NF1: variants seen among roughly 807,000 people sequenced by gnomAD.
NF1 encodes neurofibromin.
Under a neutral mutation model 325.7 loss-of-function variants are expected in NF1, and 122 were observed. That is an observed-to-expected ratio of 0.37 (90% CI 0.32 to 0.44). The LOEUF is 0.44. Ranked by LOEUF, NF1 falls within the 20% of genes least tolerant of loss-of-function variation. The probability of loss-of-function intolerance (pLI) is 1.00; values close to 1 mark genes in which losing one functional copy is unlikely to be tolerated. For synonymous variants in NF1, 1,091 were observed against 1,186.0 expected, an observed-to-expected ratio of 0.92 and a Z score of 1.65; for missense variants, 2,140 against 3,415.4, an observed-to-expected ratio of 0.63 and a Z score of 9.31.
intron 8 of NF1, among the ~76,000 whole-genome samples, chr17:31,197,263 G>T (rs1321932054): frequency 6.6e-6 from 1 of 150,718 alleles, no homozygotes; most frequent in Non-Finnish European, 1.5e-5. Context: ...AGCCAGGATG[G>T]TCTCCATCTC....
intron 36 of NF1, chr17:31,318,783 C>A (rs772830512): frequency 6.2e-7 from 1 of 1,613,938 alleles, no homozygotes; most frequent in South Asian, 1.1e-5. Context: ...ATGTTTCAGG[C>A]ATGTTTGTAG....
chr17:31,185,739 C>T (rs975611565), intron 8 of NF1, among the ~76,000 whole-genome samples: 6 of 152,164 alleles, frequency 3.9e-5, no homozygotes, highest in Non-Finnish European at 7.4e-5. Flanking sequence ...GGGTCCAGAA[C>T]AGGAGAAGGC....
chr17:31,227,719 A>G (rs1449295665), intron 20 of NF1, 113 bp downstream of exon 20: 1 of 915,056 alleles, frequency 1.1e-6, no homozygotes, highest in Non-Finnish European at 1.8e-6. Context: ...CTGTGTGAAG[A>G]CTGATATTTA....
In NF1 at chr17:31,325,838, C is replaced by G. The variant is rs1268872486; in HGVS notation, c.4854C>G (p.Ile1618Met). 6.2e-7 allele frequency: 1 copy of G among 1,614,084 alleles called. No individual in the cohort carries two copies. The highest frequency in any genetic ancestry group is 1.3e-5 in the African/African-American group (1 of 75,036). ...YVARRFKTGQ[I>M]NGDLLIYHVL... The stretch of plus-strand genomic sequence containing the variant: ...TCCTTAGGTTCAAAACTGGTCAAAT[C>G]AATGGTGATTTGCTGATATACCATG... The change falls in exon 37 of 58, where the codon ATC becomes ATG. Residue 1618 changes from isoleucine (I) to methionine (M), a missense_variant. Physicochemically the swap from Ile to Met is conservative, Grantham distance 10. This residue lies in a region of NF1 where 103 missense variants were observed against 214.6 expected (regional missense o/e 0.48). Coordinates refer to ENST00000358273, the MANE Select transcript of NF1 (RefSeq NM_001042492.3).
chr17:31,225,859 C>T (rs2151424877), intron 17 of NF1, among the ~76,000 whole-genome samples: 1 of 152,266 alleles, frequency 6.6e-6, no homozygotes, highest in Non-Finnish European at 1.5e-5. Flanking sequence ...GTCTGTTTTA[C>T]TTGTAGAATT....
At chr17:31,158,478 G>A (rs934470084) in intron 2 of NF1, among the ~76,000 whole-genome samples, 1 of 151,912 alleles carries the variant, frequency 6.6e-6, no homozygotes. Context: ...TTAATATTTG[G>A]GACCCTCTTT....
rs1375665622 is a variant in NF1, at chr17:31,219,041, A to C, written c.1564A>C (p.Thr522Pro). The C allele has an allele frequency of 6.2e-7, 1 of 1,613,710 alleles. No individual in the cohort carries two copies. Among genetic ancestry groups the C allele is most frequent in the African/African-American group, 1.3e-5 (1 of 74,890 alleles). Residue 522 changes from threonine (T) to proline (P), a missense_variant, in exon 14 of 58, where the codon ACA (threonine) becomes CCA (proline). By Grantham distance (38) the Thr-to-Pro change is conservative. Coordinates refer to ENST00000358273, the MANE Select transcript of NF1 (RefSeq NM_001042492.3). ...ACAGGGGCCCGAAACCCAAGGCAGT[A>C]CAGCAGAATTAATTACAGGGCTCGT... ...RKQGPETQGS[T>P]AELITGLVQL...
chr17:31,325,143 C>T (rs928223815), intron 36 of NF1, among the ~76,000 whole-genome samples: 6 of 152,116 alleles, frequency 3.9e-5, no homozygotes, highest in African/African-American at 1.4e-4. Context: ...CTGAGCAGTC[C>T]TGGGATAAAT....
intron 1 of NF1, among the ~76,000 whole-genome samples, chr17:31,124,592 ATTTTTTTT>A (rs35335433): frequency 9.5e-5 from 6 of 62,944 alleles, no homozygotes; most frequent in East Asian, 5.5e-4. Flanking sequence ...GTATTCTTGA[ATTTTTTTT>A]TTTTTTTTTT....
intron 9 of NF1, 27 bp downstream of exon 9, chr17:31,200,622 C>T (rs2066511229): frequency 1.2e-6 from 2 of 1,609,196 alleles, no homozygotes; most frequent in African/African-American, 1.3e-5. Context: ...TTCTCTACTA[C>T]AAACTTTAAG....
chr17:31,263,416 G>A (rs2067728981), intron 35 of NF1, among the ~76,000 whole-genome samples: 1 of 151,672 alleles, frequency 6.6e-6, no homozygotes, highest in South Asian at 2.1e-4. Flanking sequence ...GACAGAATGA[G>A]ACCTTGTCTA....
intron 31 of NF1, among the ~76,000 whole-genome samples, chr17:31,257,892 ATATGTACTATCAGG>A (rs2067610601): frequency 6.6e-6 from 1 of 152,132 alleles, no homozygotes; most frequent in Non-Finnish European, 1.5e-5. Flanking sequence ...CAAAATGTAA[ATATGTACTATCAGG>A]TATAGGATGT....
At chr17:31,166,847 C>A (rs1204544929) in intron 4 of NF1, among the ~76,000 whole-genome samples, 1 of 152,090 alleles carries the variant, frequency 6.6e-6, no homozygotes, top group African/African-American at 2.4e-5. Flanking sequence ...TTAAGGAGAT[C>A]AAAAACCTCA....
chr17:31,267,726 G>A (rs1046982045), intron 36 of NF1, among the ~76,000 whole-genome samples: 6 of 152,136 alleles, frequency 3.9e-5, no homozygotes, highest in Non-Finnish European at 5.9e-5. Context: ...GTCCACAGAC[G>A]TTTCAGACTT....
chr17:31,200,852 A>G (rs1407217165), intron 9 of NF1, among the ~76,000 whole-genome samples, 185 bp from the exon 10 acceptor site: 3 of 152,142 alleles, frequency 2.0e-5, no homozygotes, highest in African/African-American at 7.2e-5. Flanking sequence ...CCTGAAATGA[A>G]CCTATATATG....
intron 29 of NF1, among the ~76,000 whole-genome samples, chr17:31,238,056 C>T (rs2067233109): frequency 6.6e-6 from 1 of 152,066 alleles, no homozygotes; most frequent in Admixed American, 6.5e-5. Context: ...CAGAGAATCA[C>T]AGTTTACCAG....
intron 22 of NF1, 53 bp from the exon 23 acceptor site, chr17:31,230,207 C>T (rs2151431338): frequency 1.3e-6 from 2 of 1,590,520 alleles, no homozygotes; most frequent in South Asian, 2.2e-5. Context: ...TTTAGAATGC[C>T]TTCTCTTTTG....
chr17:31,298,635 G>A (rs2068513459), intron 36 of NF1, among the ~76,000 whole-genome samples: 1 of 151,942 alleles, frequency 6.6e-6, no homozygotes, highest in African/African-American at 2.4e-5. Context: ...TTGTTGATTG[G>A]GTGCTTTATT....
At chr17:31,161,088 G>A (rs1050806734) in intron 3 of NF1, among the ~76,000 whole-genome samples, 1 of 152,132 alleles carries the variant, frequency 6.6e-6, no homozygotes, top group Non-Finnish European at 1.5e-5. Flanking sequence ...GAGCTCACAA[G>A]TATACGTTTG....
Sources: gnomAD v4.1 joint callset for allele counts (sites outside exome capture counted in the v4.1 genomes callset) on GRCh38, gnomAD v4.1.1 for gene constraint, gnomAD v4.1.1 regional missense constraint, MANE v1.5 for transcripts, NCBI Gene and HGNC (gene_info 2026-07-23, HGNC 2026-07-21) for gene names.